The following CAST variants were observed in gnomAD, a reference collection of about 807,000 sequenced individuals.
The protein encoded by CAST is calpastatin.
CAST carries 76 observed loss-of-function variants against 119.6 expected under a neutral mutation model. That is an observed-to-expected ratio of 0.64 (90% CI 0.53 to 0.77). The LOEUF (loss-of-function observed/expected upper bound fraction) is 0.77. Among genes scored for constraint, CAST ranks in the 30% least tolerant of loss-of-function variants. The pLI is 0.00. For missense variants in CAST, 953 were observed against 946.5 expected (o/e 1.01, Z -0.09); for synonymous variants, 319 against 331.6 (o/e 0.96, Z 0.41).
In CAST at chr5:96,594,690, G is replaced by A. The variant is rs530131467; in HGVS notation, c.60+64810G>A. 2.6e-5 allele frequency among the ~76,000 whole-genome samples: 4 copies of A among 152,168 alleles called. No homozygotes were observed. In the South Asian group the frequency reaches 6.2e-4, roughly 24 times the overall value. On this transcript the variant is annotated intron_variant, in intron 1 of 11. Coordinates refer to the CAST transcript ENST00000505143. ...CACCTTTTATCTGCTTTTTCAACAA[G>A]AGGTTTCAAATTTTTATTTTGCAGT... is the stretch of plus-strand genomic sequence containing the variant.
At chr5:96,108,495 A>C in the CAST span, among the ~76,000 whole-genome samples, 1 of 152,198 alleles carries the variant, frequency 6.6e-6, no homozygotes, top group Non-Finnish European at 1.5e-5. Flanking sequence ...GTGAGGTGTC[A>C]GTCTGCCCCT....
chr5:96,354,524 G>A, the CAST span, among the ~76,000 whole-genome samples: 82 of 151,698 alleles, frequency 5.4e-4, no homozygotes, highest in Non-Finnish European at 3.7e-4. Context: ...GGGTTGAGAC[G>A]TATCCTGATT....
At chr5:96,321,352 G>C in the CAST span, among the ~76,000 whole-genome samples, 115 of 152,302 alleles carry the variant, frequency 7.6e-4, no homozygotes, top group Middle Eastern at 6.8e-3. Context: ...CCTGCCTGAG[G>C]CAGTGAGAAT....
rs560447079 is a variant in CAST at position 96,530,453 on chromosome 5, G to A, written c.60+573G>A. Reference sequence around the variant, plus strand: ...TGAAATATCTATGAAACATTGAAGTGGAAATGTCAAGTAGGCAATTGGATA... The same window carrying A: ...TGAAATATCTATGAAACATTGAAGTAGAAATGTCAAGTAGGCAATTGGATA... On this transcript the variant is annotated intron_variant, in intron 1 of 11. Transcript: ENST00000505143. Among the ~76,000 whole-genome samples the A allele has an allele frequency of 1.1e-3, 162 of 152,312 alleles. 1 individual carries two copies. Among genetic ancestry groups the A allele is most frequent in the Non-Finnish European group, 1.5e-3 (102 of 68,020 alleles).
chr5:96,585,514 C>A (rs1211247824), intron 1 of CAST, among the ~76,000 whole-genome samples: 1 of 152,176 alleles, frequency 6.6e-6, no homozygotes, highest in Non-Finnish European at 1.5e-5. Context: ...AAAACCTTTG[C>A]TTTAATATTA....
intron 2 of CAST, among the ~76,000 whole-genome samples, chr5:96,683,961 T>C (rs1471993948): frequency 6.6e-6 from 1 of 152,240 alleles, no homozygotes; most frequent in Non-Finnish European, 1.5e-5. Context: ...TTCTTTCTCA[T>C]CTGTTGTGAA....
chr5:96,655,569 G>A (rs1748146276), intron 1 of CAST, among the ~76,000 whole-genome samples: 1 of 152,224 alleles, frequency 6.6e-6, no homozygotes, highest in Non-Finnish European at 1.5e-5. Context: ...CCTCTAGAGA[G>A]CTTTAAAAAA....
At chr5:96,391,207 GCAAACA>G in the CAST span, 1 of 152,156 alleles carries the variant, frequency 6.6e-6, no homozygotes, top group East Asian at 1.9e-4. Context: ...GCATTGCTCT[GCAAACA>G]CCCTCTACAC....
chr5:96,308,193 T>C, the CAST span, among the ~76,000 whole-genome samples: 1 of 151,882 alleles, frequency 6.6e-6, no homozygotes, highest in African/African-American at 2.4e-5. Flanking sequence ...TCACTTTATT[T>C]CATTGAGTTG....
chr5:96,542,314 A>C (rs1745929544), intron 1 of CAST, among the ~76,000 whole-genome samples: 1 of 151,890 alleles, frequency 6.6e-6, no homozygotes, highest in Non-Finnish European at 1.5e-5. Flanking sequence ...GTCTCAAAAA[A>C]AAAAAAAAAG....
chr5:96,641,434 A>G (rs1466507968), intron 1 of CAST, among the ~76,000 whole-genome samples: 1 of 142,080 alleles, frequency 7.0e-6, no homozygotes, highest in East Asian at 2.0e-4. Context: ...ATGTGGGGTC[A>G]GTATGGGGTA....
chr5:96,224,279 T>C, the CAST span, among the ~76,000 whole-genome samples: 2 of 152,280 alleles, frequency 1.3e-5, no homozygotes, highest in African/African-American at 4.8e-5. Context: ...GAACCCAGTG[T>C]CTCTACTTTT....
At chr5:96,017,649 C>T in the CAST span, among the ~76,000 whole-genome samples, 2 of 151,856 alleles carry the variant, frequency 1.3e-5, no homozygotes, top group African/African-American at 4.9e-5. Context: ...AAATCTTTGT[C>T]TGGGGGCACA....
chr5:96,276,925 C>A, the CAST span, among the ~76,000 whole-genome samples: 1 of 152,138 alleles, frequency 6.6e-6, no homozygotes. Context: ...TGAAAGTTTA[C>A]ATAGATGGAA....
At chr5:96,627,736 T>C (rs1471716701) in intron 1 of CAST, among the ~76,000 whole-genome samples, 2 of 152,216 alleles carry the variant, frequency 1.3e-5, no homozygotes, top group Non-Finnish European at 2.9e-5. Flanking sequence ...AGGAGGAAGA[T>C]GAGAGAAGGA....
At chr5:96,390,257 T>C in the CAST span, among the ~76,000 whole-genome samples, 1 of 152,344 alleles carries the variant, frequency 6.6e-6, no homozygotes, top group South Asian at 2.1e-4. Context: ...AAAAAGGAAT[T>C]AACTCCTTAA....
chr5:96,662,062 T>A (rs1748578831), upstream of CAST: 4 of 214,212 alleles, frequency 1.9e-5, no homozygotes, highest in African/African-American at 9.2e-5. Context: ...GTTGCACAAC[T>A]GCAAGCTAGA....
the CAST span, among the ~76,000 whole-genome samples, chr5:96,207,651 T>C: frequency 1.3e-5 from 2 of 152,088 alleles, no homozygotes; most frequent in Admixed American, 1.3e-4. Context: ...TAAAGCCTAC[T>C]TGATGGCAGT....
At chr5:96,310,827 G>T in the CAST span, among the ~76,000 whole-genome samples, 1 of 146,624 alleles carries the variant, frequency 6.8e-6, no homozygotes, top group Non-Finnish European at 1.5e-5. Flanking sequence ...CTCTTGGTTA[G>T]TCTAGCCAAA....
Sources: gnomAD v4.1 joint callset for allele counts (sites outside exome capture counted in the v4.1 genomes callset) on GRCh38, gnomAD v4.1.1 for gene constraint, MANE v1.5 for transcripts, NCBI Gene and HGNC (gene_info 2026-07-23, HGNC 2026-07-21) for gene names.